The following LENG9 variants were observed in gnomAD, a reference collection of about 807,000 sequenced individuals.
LENG9 encodes the protein leukocyte receptor cluster member 9, also known as leukocyte receptor cluster (LRC) member 9.
For synonymous variants in LENG9, 410 were observed against 303.9 expected (o/e 1.35, Z -3.63); for missense variants, 872 against 652.7 (o/e 1.34, Z -3.66).
Position 54,462,447 on chromosome 19 carries a change from C to CA in LENG9, c.1079dup (p.Arg361GlufsTer18), listed in dbSNP as rs1339082082. On this transcript the variant is annotated frameshift_variant, in exon 1 of 1. Transcript: ENST00000611161. LOFTEE classifies it low-confidence loss of function (END_TRUNC). ...GCCCCGGGGCCAAGAGGGCCCGTCT[C>CA]AGAGCTCCAATGGCAGCGGCCTCCT... 1.2e-5 allele frequency: 20 copies of CA among 1,613,530 alleles called. No homozygotes were observed. Among genetic ancestry groups the CA allele is most frequent in the Non-Finnish European group, 1.5e-5 (18 of 1,180,016 alleles).
chr19:54,462,832 C>T lies in LENG9; in HGVS notation c.695G>A (p.Gly232Glu), dbSNP rs372436462. Residue 232 changes from glycine to glutamate, a missense_variant, in exon 1 of 1, where the codon GGA becomes GAA. Gly to Glu is a moderately conservative substitution (Grantham distance 98). Coordinates refer to ENST00000611161, the MANE Select transcript of LENG9 (RefSeq NM_001301782.2). ...TGCCTCAGTCACTCCGGCGAGGCGT[C>T]CTCTTGGGGCCAGTGTTCCCAAATC... Reference protein sequence around the residue: ...AADLGTLAPRGRLAGVTEALK... With the variant: ...AADLGTLAPRERLAGVTEALK... 3.7e-6 allele frequency: 6 copies of T among 1,612,444 alleles called. No homozygotes were observed. The highest frequency in any genetic ancestry group is 3.3e-5 in the Admixed American group (2 of 59,994).
chr19:54,463,232 C>A lies in LENG9; in HGVS notation c.295G>T (p.Glu99Ter). Residue 99 changes from glutamate to a stop codon, truncating the protein, a stop_gained, in exon 1 of 1, where the codon GAG becomes TAG. Transcript: ENST00000611161. LOFTEE classifies it low-confidence loss of function (END_TRUNC). ...TCCCAGCAAAAGGCGCTGAAGGGCT[C>A]CTCGCGCACACCCAGAAAGCGGTCG... ...YVDRFLGVREEPFSAFCWDQP... is the reference protein window; with the variant it reads ...YVDRFLGVRE 1.3e-6 allele frequency: 2 copies of A among 1,546,392 alleles called. No individual in the cohort carries two copies. The highest frequency in any genetic ancestry group is 8.7e-7 in the Non-Finnish European group (1 of 1,152,164).
In LENG9 at chr19:54,463,597, G is replaced by T; in HGVS notation, c.-71C>A. 2.3e-6 allele frequency: 3 copies of T among 1,308,164 alleles called. No individual in the cohort carries two copies. Among genetic ancestry groups the T allele is most frequent in the Non-Finnish European group, 2.9e-6 (3 of 1,025,054 alleles). The allele number at this position is 1,308,164 out of a possible 1,614,324, so 81.0% of individuals were successfully genotyped here. A position where few individuals can be genotyped will look rare whatever the true frequency, so the allele number is the denominator to read the frequency against. Reference sequence around the variant, plus strand: ...GCACGGAGGGCGGCTCCCCTTGGATGCACCGAGCCTCACCCGACAGTGGCG... The same window carrying T: ...GCACGGAGGGCGGCTCCCCTTGGATTCACCGAGCCTCACCCGACAGTGGCG... On this transcript the variant is annotated 5_prime_UTR_variant, in exon 1 of 1. Transcript: ENST00000611161.
In LENG9 at chr19:54,462,696, CGCA is replaced by C; in HGVS notation, c.828_830del (p.Ala278del). The C allele has an allele frequency of 6.2e-7, 1 of 1,611,058 alleles. No homozygotes were observed. The highest frequency in any genetic ancestry group is 1.1e-5 in the South Asian group (1 of 91,084). On this transcript the variant is annotated inframe_deletion, in exon 1 of 1. Coordinates refer to ENST00000611161, the MANE Select transcript of LENG9 (RefSeq NM_001301782.2). ...GGGCCCTTTTGTCCTCGGGCCAGGC[CGCA>C]GGACCCCACTCGGCTTCTGTCGTCT... is the stretch of plus-strand genomic sequence containing the variant.
In LENG9 at chr19:54,462,687, G is replaced by C; in HGVS notation, c.840C>G (p.Pro280=). 1.2e-6 allele frequency: 2 copies of C among 1,611,196 alleles called. No homozygotes were observed. Among genetic ancestry groups the C allele is most frequent in the South Asian group, 1.1e-5 (1 of 91,088 alleles). Residue 280 remains proline, a synonymous_variant, in exon 1 of 1, where the codon CCC becomes CCG. Coordinates refer to ENST00000611161, the MANE Select transcript of LENG9 (RefSeq NM_001301782.2). The part of the protein sequence containing the change: ...TEAEWGPAAW[P]EDKRARLSVA... ...CACTAAGGCGGGCCCTTTTGTCCTC[G>C]GGCCAGGCCGCAGGACCCCACTCGG... is the stretch of plus-strand genomic sequence containing the variant.
chr19:54,463,355 C>T lies in LENG9; in HGVS notation c.172G>A (p.Gly58Arg), dbSNP rs202206879. The change falls in exon 1 of 1, where the codon GGG becomes AGG. Residue 58 changes from glycine to arginine, a missense_variant. Transcript: ENST00000611161. ...PPGREAQPEA[G>R]AKKPPLRTAA... ...GTGCGCAGCGGCGGCTTCTTGGCCC[C>T]GGCCTCCGGCTGCGCCTCGCGGCCA... The T allele has an allele frequency of 0.01, 13,837 of 1,370,632 alleles. 84 individuals carry two copies. The highest frequency in any genetic ancestry group is 0.012 in the Non-Finnish European group (12,618 of 1,064,544). The allele number at this position is 1,370,632 out of a possible 1,614,324, so 84.9% of individuals were successfully genotyped here.
Position 54,463,042 on chromosome 19 carries a change from G to T in LENG9, c.485C>A (p.Pro162Gln). 6.2e-7 allele frequency: 1 copy of T among 1,602,706 alleles called. No individual in the cohort carries two copies. ...AGRGPTILDA[P>Q]NTEGAHGAEG... Reference sequence around the variant, plus strand: ...TGCCCCGTGGGCGCCCTCGGTGTTCGGTGCGTCCAGGATGGTGGGCCCGCG... The same window carrying T: ...TGCCCCGTGGGCGCCCTCGGTGTTCTGTGCGTCCAGGATGGTGGGCCCGCG... The change falls in exon 1 of 1, where the codon CCG (proline) becomes CAG (glutamine). Residue 162 changes from proline to glutamine, a missense_variant. By Grantham distance (76) the Pro-to-Gln change is moderately conservative (BLOSUM62 -1). Coordinates refer to ENST00000611161, the MANE Select transcript of LENG9 (RefSeq NM_001301782.2).
At position 54,463,097 on chromosome 19, in the gene LENG9, G is replaced by A. The variant is rs908914069; in HGVS notation, c.430C>T (p.Leu144Phe). The part of the protein sequence containing the change: ...LVWDRASRTD[L>F]VFGSGSAAGR... Reference sequence around the variant, plus strand: ...GCCGCCGAGCCAGAGCCAAAGACGAGGTCGGTGCGCGAGGCGCGGTCCCAC... The same window carrying A: ...GCCGCCGAGCCAGAGCCAAAGACGAAGTCGGTGCGCGAGGCGCGGTCCCAC... Residue 144 changes from leucine to phenylalanine, a missense_variant, in exon 1 of 1, where the codon CTC (leucine) becomes TTC (phenylalanine). Transcript: ENST00000611161. 53 of 1,602,448 alleles carry A rather than the reference G, an allele frequency of 3.3e-5. No individual in the cohort carries two copies. Among genetic ancestry groups the A allele is most frequent in the Non-Finnish European group, 3.9e-5 (46 of 1,179,388 alleles).
Position 54,462,316 on chromosome 19 carries a change from C to G in LENG9, c.1211G>C (p.Ser404Thr). Residue 404 changes from serine to threonine, a missense_variant, in exon 1 of 1, where the codon AGC becomes ACC. Transcript: ENST00000611161. ...CAGCCCCTCGGCTTCCAGCCTCTGG[C>G]TCAGCACTTGTGCCATGCTTTCCAG... is the stretch of plus-strand genomic sequence containing the variant. ...PTLESMAQVLSQRLEAEGLST... is the reference protein window; with the variant it reads ...PTLESMAQVLTQRLEAEGLST... 1.2e-6 allele frequency: 2 copies of G among 1,604,236 alleles called. No homozygotes were observed. Among genetic ancestry groups the G allele is most frequent in the Non-Finnish European group, 8.5e-7 (1 of 1,173,714 alleles).
rs750854459 is a variant in LENG9, at chr19:54,462,242, T to C, written c.1285A>G (p.Lys429Glu). The C allele has an allele frequency of 6.2e-7, 1 of 1,612,734 alleles. No individual in the cohort carries two copies. Among genetic ancestry groups the C allele is most frequent in the South Asian group, 1.1e-5 (1 of 90,960 alleles). Residue 429 changes from lysine (K) to glutamate (E), a missense_variant, in exon 1 of 1, where the codon AAG becomes GAG. By Grantham distance (56) the Lys-to-Glu change is moderately conservative. Transcript: ENST00000611161. ...TGGACCTGGGAACCATGGGGCACCT[T>C]GGCCACGGTGAGGTGGGGGTGCAGC... is the stretch of plus-strand genomic sequence containing the variant. ...GQLHPHLTVA[K>E]VPHGSQVHLP...
In LENG9 at chr19:54,463,033, T is replaced by G; in HGVS notation, c.494A>C (p.Glu165Ala). 6.2e-7 allele frequency: 1 copy of G among 1,602,820 alleles called. No individual in the cohort carries two copies. Among genetic ancestry groups the G allele is most frequent in the Non-Finnish European group, 8.5e-7 (1 of 1,179,474 alleles). ...GGCACCCTCTGCCCCGTGGGCGCCC[T>G]CGGTGTTCGGTGCGTCCAGGATGGT... The part of the protein sequence containing the change: ...GPTILDAPNT[E>A]GAHGAEGAEW... Residue 165 changes from glutamate (E) to alanine (A), a missense_variant, in exon 1 of 1, where the codon GAG becomes GCG. Coordinates refer to ENST00000611161, the MANE Select transcript of LENG9 (RefSeq NM_001301782.2).
In LENG9 at chr19:54,462,038, T is replaced by G; in HGVS notation, c.*52A>C. On this transcript the variant is annotated 3_prime_UTR_variant, in exon 1 of 1. Transcript: ENST00000611161. ...AGAGCGTGCACGCTCCTGCTTTGTC[T>G]TTCCTGTGTGGGCTGTTTGCATCCA... The G allele has an allele frequency of 2.0e-6, 3 of 1,530,274 alleles. No homozygotes were observed. Among genetic ancestry groups the G allele is most frequent in the Middle Eastern group, 1.8e-4 (1 of 5,654 alleles). The allele number at this position is 1,530,274 out of a possible 1,614,324, so 94.8% of individuals were successfully genotyped here. A position where few individuals can be genotyped will look rare whatever the true frequency, so the allele number is the denominator to read the frequency against.
At position 54,463,120 on chromosome 19, in the gene LENG9, C is replaced by A; in HGVS notation, c.407G>T (p.Trp136Leu). ...GAGGTCGGTGCGCGAGGCGCGGTCC[C>A]ACACAAGGCGGCCACGGAAGCGGAA... ...RFFRFRGRLVWDRASRTDLVF... is the reference protein window; with the variant it reads ...RFFRFRGRLVLDRASRTDLVF... Residue 136 changes from tryptophan to leucine, a missense_variant, in exon 1 of 1, where the codon TGG (tryptophan) becomes TTG (leucine). Trp to Leu is a moderately conservative substitution (Grantham distance 61). Transcript: ENST00000611161. 1 of 1,599,510 alleles carries A rather than the reference C, an allele frequency of 6.3e-7. No homozygotes were observed. The highest frequency in any genetic ancestry group is 2.2e-5 in the East Asian group (1 of 44,614).
In LENG9 at chr19:54,463,087, C is replaced by A. The variant is rs2084648952; in HGVS notation, c.440G>T (p.Gly147Val). 3 of 1,602,742 alleles carry A rather than the reference C, an allele frequency of 1.9e-6. No individual in the cohort carries two copies. The highest frequency in any genetic ancestry group is 2.2e-5 in the South Asian group (2 of 90,968). ...CCCGCGTCCCGCCGCCGAGCCAGAG[C>A]CAAAGACGAGGTCGGTGCGCGAGGC... Reference protein sequence around the residue: ...DRASRTDLVFGSGSAAGRGPT... With the variant: ...DRASRTDLVFVSGSAAGRGPT... Residue 147 changes from glycine (G) to valine (V), a missense_variant, in exon 1 of 1, where the codon GGC becomes GTC. By Grantham distance (109) the Gly-to-Val change is moderately radical. Coordinates refer to ENST00000611161, the MANE Select transcript of LENG9 (RefSeq NM_001301782.2).
rs2084637572 is a variant in LENG9 at position 54,462,810 on chromosome 19, C to CTCT, written c.716_717insAGA (p.Glu239dup). 2.5e-6 allele frequency: 4 copies of CTCT among 1,612,260 alleles called. No homozygotes were observed. The highest frequency in any genetic ancestry group is 4.5e-5 in the East Asian group (2 of 44,852). On this transcript the variant is annotated inframe_insertion, in exon 1 of 1. Coordinates refer to ENST00000611161, the MANE Select transcript of LENG9 (RefSeq NM_001301782.2). The stretch of plus-strand genomic sequence containing the variant: ...TGGTGGCTGCTGTTGGCTTCAGTGC[C>CTCT]TCAGTCACTCCGGCGAGGCGTCCTC...
Position 54,462,127 on chromosome 19 carries a change from C to T in LENG9, c.1400G>A (p.Gly467Glu), listed in dbSNP as rs115799049. 53,915 of 1,581,346 alleles carry T rather than the reference C, an allele frequency of 0.034. 1,028 individuals are homozygous for T. The highest frequency in any genetic ancestry group is 0.04 in the Non-Finnish European group (46,564 of 1,162,400). ...GATCTCAGCCAGGGGCTGGAAAGGC[C>T]CCCCTGTCCTCCCTATACGGCACAG... ...LWLCRIGRTG[G>E]PFQPLAEIPL... is the part of the protein sequence containing the mutation. Residue 467 changes from glycine (G) to glutamate (E), a missense_variant, in exon 1 of 1, where the codon GGG (glycine) becomes GAG (glutamate). Gly to Glu is a moderately conservative substitution (Grantham distance 98). Transcript: ENST00000611161.
chr19:54,463,046 C>A lies in LENG9; in HGVS notation c.481G>T (p.Ala161Ser). ...CCGTGGGCGCCCTCGGTGTTCGGTG[C>A]GTCCAGGATGGTGGGCCCGCGTCCC... Reference protein sequence around the residue: ...AAGRGPTILDAPNTEGAHGAE... With the variant: ...AAGRGPTILDSPNTEGAHGAE... The change falls in exon 1 of 1, where the codon GCA becomes TCA. Residue 161 changes from alanine to serine, a missense_variant. By Grantham distance (99) the Ala-to-Ser change is moderately conservative. Transcript: ENST00000611161. The A allele has an allele frequency of 6.2e-7, 1 of 1,601,946 alleles. No individual in the cohort carries two copies.
In LENG9 at chr19:54,463,209, C is replaced by G; in HGVS notation, c.318G>C (p.Trp106Cys). Residue 106 changes from tryptophan (W) to cysteine (C), a missense_variant, in exon 1 of 1, where the codon TGG becomes TGC. Transcript: ENST00000611161. ...VREEPFSAFC[W>C]DQPLAALGPG... ...GCCCGAGCGCCGCCAGCGGCTGGTC[C>G]CAGCAAAAGGCGCTGAAGGGCTCCT... 6.4e-7 allele frequency: 1 copy of G among 1,556,332 alleles called. No individual in the cohort carries two copies. The highest frequency in any genetic ancestry group is 8.6e-7 in the Non-Finnish European group (1 of 1,157,552).
Position 54,463,378 on chromosome 19 carries a change from C to A in LENG9, c.149G>T (p.Gly50Val). 2 of 1,298,996 alleles carry A rather than the reference C, an allele frequency of 1.5e-6. No individual in the cohort carries two copies. Among genetic ancestry groups the A allele is most frequent in the Non-Finnish European group, 1.9e-6 (2 of 1,027,170 alleles). 80.5% of individuals were successfully genotyped at this position (1,298,996 alleles called of 1,614,324 possible). Residue 50 changes from glycine to valine, a missense_variant, in exon 1 of 1, where the codon GGC becomes GTC. Physicochemically the swap from Gly to Val is moderately radical, Grantham distance 109. Coordinates refer to ENST00000611161, the MANE Select transcript of LENG9 (RefSeq NM_001301782.2). Reference protein sequence around the residue: ...QPHPGAPAPPGREAQPEAGAK... With the variant: ...QPHPGAPAPPVREAQPEAGAK... ...CCCGGCCTCCGGCTGCGCCTCGCGG[C>A]CAGGCGGCGCCGGCGCCCCAGGGTG...
Sources: allele counts gnomAD v4.1 joint callset, GRCh38; gene constraint gnomAD v4.1.1; transcripts MANE v1.5; gene names NCBI Gene and HGNC (gene_info 2026-07-23, HGNC 2026-07-21).